Variants in NDFIP1 observed in about 807,000 individuals in gnomAD.
NDFIP1 encodes Nedd4 family interacting protein 1, also known as NEDD4 family-interacting protein 1.
A neutral mutation model predicts 28.8 loss-of-function variants in NDFIP1; 7 were observed. The ratio of observed to expected loss-of-function variants is 0.24; its 90% CI spans 0.14 to 0.46. NDFIP1 has a LOEUF of 0.46. Ranked by LOEUF, NDFIP1 falls within the 20% of genes least tolerant of loss-of-function variation. NDFIP1 has a pLI of 0.99. For synonymous variants in NDFIP1, 92 were observed against 101.0 expected, an observed-to-expected ratio of 0.91 and a Z score of 0.53; for missense variants, 194 against 269.1, an observed-to-expected ratio of 0.72 and a Z score of 1.95.
intron 7 of NDFIP1, among the ~76,000 whole-genome samples, chr5:142,146,202 T>TA (rs34683574): frequency 2.6e-5 from 4 of 152,282 alleles, no homozygotes; most frequent in African/African-American, 7.2e-5. Context: ...GTTTCATTAT[T>TA]AAAAAAACTA....
intron 7 of NDFIP1, among the ~76,000 whole-genome samples, chr5:142,149,713 T>G (rs1229027278): frequency 6.6e-6 from 1 of 152,196 alleles, no homozygotes; most frequent in Non-Finnish European, 1.5e-5. Flanking sequence ...AGCAAAGGGA[T>G]TTTTAATGTT....
chr5:142,131,743 G>T, intron 1 of NDFIP1, 65 bp from the exon 2 acceptor site: 1 of 1,288,260 alleles, frequency 7.8e-7, no homozygotes, highest in South Asian at 1.6e-5. Flanking sequence ...ATTTATTTCA[G>T]TTTTTGGGTT....
intron 4 of NDFIP1, 30 bp downstream of exon 4, chr5:142,135,847 C>A (rs926210551): frequency 2.0e-6 from 3 of 1,502,024 alleles, no homozygotes; most frequent in East Asian, 2.3e-5. Flanking sequence ...AGAACCACCC[C>A]CTACAAACTA....
intron 7 of NDFIP1, among the ~76,000 whole-genome samples, chr5:142,147,239 C>A (rs1316965150): frequency 6.6e-6 from 1 of 152,108 alleles, no homozygotes; most frequent in East Asian, 1.9e-4. Context: ...TTCCAGGGAT[C>A]CCCAGAGGGA....
At chr5:142,148,854 G>T (rs1757418291) in intron 7 of NDFIP1, among the ~76,000 whole-genome samples, 1 of 149,246 alleles carries the variant, frequency 6.7e-6, no homozygotes, top group South Asian at 2.1e-4. Context: ...AATGTAAAGT[G>T]TTTATACTTT....
At chr5:142,114,749 T>C (rs1757048665) in intron 1 of NDFIP1, among the ~76,000 whole-genome samples, 1 of 152,232 alleles carries the variant, frequency 6.6e-6, no homozygotes, top group African/African-American at 2.4e-5. Flanking sequence ...GATTTGTCAG[T>C]GTCGGGCTGT....
intron 4 of NDFIP1, among the ~76,000 whole-genome samples, chr5:142,136,088 G>C (rs760442164): frequency 6.6e-6 from 1 of 152,126 alleles, no homozygotes; most frequent in Non-Finnish European, 1.5e-5. Context: ...TCATCTTCCA[G>C]GTCTACGGGG....
At chr5:142,130,038 G>A (rs1281791727) in intron 1 of NDFIP1, among the ~76,000 whole-genome samples, 2 of 152,030 alleles carry the variant, frequency 1.3e-5, no homozygotes, top group Non-Finnish European at 2.9e-5. Context: ...TAGCGGTATG[G>A]TTTAGAGGTG....
intron 1 of NDFIP1, among the ~76,000 whole-genome samples, chr5:142,125,776 TTGTC>T (rs1276195652): frequency 6.6e-6 from 1 of 152,254 alleles, no homozygotes; most frequent in Non-Finnish European, 1.5e-5. Context: ...GCACTTGTTA[TTGTC>T]TGTCTTTTTT....
chr5:142,132,426 T>C (rs187627642), intron 3 of NDFIP1, 84 bp downstream of exon 3: 15 of 1,469,652 alleles, frequency 1.0e-5, no homozygotes, highest in African/African-American at 1.4e-5. Context: ...TCGTTACTTA[T>C]GATTGTATTG....
chr5:142,109,079 C>T, intron 1 of NDFIP1, 42 bp downstream of exon 1: 1 of 1,331,028 alleles, frequency 7.5e-7, no homozygotes, highest in Non-Finnish European at 9.6e-7. Flanking sequence ...CGGTCCCTGG[C>T]TCTGCCCTGC....
Position 142,112,911 on chromosome 5 carries a change from G to A in NDFIP1, c.63+3874G>A, listed in dbSNP as rs116578983. On this transcript the variant is annotated intron_variant, in intron 1 of 7. Transcript: ENST00000253814. The stretch of plus-strand genomic sequence containing the variant: ...GAAGCACTATTTTAGAAAGACCTAA[G>A]TAGGCCCATACTGAGTGCTGAGAAA... Among the ~76,000 whole-genome samples the A allele has an allele frequency of 9.1e-3, 1,389 of 151,996 alleles. 21 individuals are homozygous for A. Among genetic ancestry groups the A allele is most frequent in the African/African-American group, 0.032 (1,317 of 41,444 alleles).
intron 1 of NDFIP1, among the ~76,000 whole-genome samples, chr5:142,131,142 A>C (rs2126917458): frequency 6.6e-6 from 1 of 151,942 alleles, no homozygotes; most frequent in Admixed American, 6.6e-5. Flanking sequence ...TTTTGTAGAG[A>C]CAGGGTTTGT....
intron 6 of NDFIP1, chr5:142,142,963 A>G (rs1265666742): frequency 2.3e-5 from 3 of 132,980 alleles, no homozygotes; most frequent in Non-Finnish European, 4.9e-5. Flanking sequence ...ATATATATAT[A>G]TATATTAATA....
rs144948006 is a variant in NDFIP1 at position 142,120,259 on chromosome 5, ACTTT to A, written c.63+11229_63+11232del. Among the ~76,000 whole-genome samples the A allele has an allele frequency of 4.0e-3, 611 of 152,136 alleles. 3 individuals carry two copies. The highest frequency in any genetic ancestry group is 0.014 in the African/African-American group (596 of 41,498). ...GCATGAGCCACTGCACCCGGCCCAAACTTTCTTTCTGTTTATAAATCTCGTCTAC... is the reference window on the plus strand; with the variant it reads ...GCATGAGCCACTGCACCCGGCCCAAACTTTCTGTTTATAAATCTCGTCTAC... On this transcript the variant is annotated intron_variant, in intron 1 of 7. Transcript: ENST00000253814.
At chr5:142,148,448 C>T (rs181706635) in intron 7 of NDFIP1, among the ~76,000 whole-genome samples, 1 of 152,194 alleles carries the variant, frequency 6.6e-6, no homozygotes, top group East Asian at 1.9e-4. Context: ...TGCACAGTGG[C>T]CATCAAGAAG....
In NDFIP1 at chr5:142,153,205, T is replaced by G. The variant is rs1303653021; in HGVS notation, c.*1477T>G. ...GATTCCTCATTTCTCCTGATTTCTA[T>G]TCTTGTCTCAATCTTAAATTTAGAG... On this transcript the variant is annotated 3_prime_UTR_variant, in exon 8 of 8. Transcript: ENST00000253814. 2 of 448,248 alleles carry G rather than the reference T, an allele frequency of 4.5e-6. No homozygotes were observed. The highest frequency in any genetic ancestry group is 1.6e-5 in the South Asian group (1 of 63,214). 27.8% of individuals were successfully genotyped at this position (448,248 alleles called of 1,614,324 possible).
intron 1 of NDFIP1, among the ~76,000 whole-genome samples, chr5:142,130,092 T>G (rs1458538788): frequency 6.6e-6 from 1 of 152,172 alleles, no homozygotes; most frequent in Non-Finnish European, 1.5e-5. Context: ...TATATCCTGA[T>G]GATACCGAAG....
Position 142,109,046 on chromosome 5 carries a change from C to T in NDFIP1, c.63+9C>T. The T allele has an allele frequency of 7.1e-7, 1 of 1,409,822 alleles. No individual in the cohort carries two copies. The highest frequency in any genetic ancestry group is 9.2e-7 in the Non-Finnish European group (1 of 1,081,638). The allele number at this position is 1,409,822 out of a possible 1,614,324, so 87.3% of individuals were successfully genotyped here. A position where few individuals can be genotyped will look rare whatever the true frequency, so the allele number is the denominator to read the frequency against. On this transcript the variant is annotated intron_variant, in intron 1 of 7. Transcript: ENST00000253814. ...GCAGCCGGTACCAGCAGGTAAGCGG[C>T]GCCCGACTCCAGCCCCGAACTCCGG... is the stretch of plus-strand genomic sequence containing the variant.
Sources: gnomAD v4.1 joint callset for allele counts (sites outside exome capture counted in the v4.1 genomes callset) on GRCh38, gnomAD v4.1.1 for gene constraint, MANE v1.5 for transcripts, NCBI Gene and HGNC (gene_info 2026-07-23, HGNC 2026-07-21) for gene names.